The following BMPR2 variants were observed in gnomAD, a reference collection of about 807,000 sequenced individuals.
BMPR2 encodes bone morphogenetic protein receptor type-2.
In BMPR2, 29 loss-of-function variants were observed where a neutral mutation model predicts 100.8. The ratio of observed to expected loss-of-function variants is 0.29; its 90% CI spans 0.21 to 0.39. The LOEUF (loss-of-function observed/expected upper bound fraction) is 0.39, where lower values mean the gene tolerates loss of function less well. Among genes scored for constraint, BMPR2 ranks in the 10% least tolerant of loss-of-function variants. The pLI, the probability that BMPR2 is intolerant of heterozygous loss-of-function variation, is 1.00. For synonymous variants in BMPR2, 382 were observed against 442.3 expected (o/e 0.86, Z 1.71); for missense variants, 1,011 against 1,274.5 (o/e 0.79, Z 3.15).
chr2:202,479,402 G>A (rs922927437), intron 3 of BMPR2, among the ~76,000 whole-genome samples: 1 of 151,254 alleles, frequency 6.6e-6, no homozygotes, highest in Non-Finnish European at 1.5e-5. Context: ...TCCTGGCAGA[G>A]CACTTATATA....
At chr2:202,466,318 G>A (rs182095134) in intron 2 of BMPR2, among the ~76,000 whole-genome samples, 113 of 151,850 alleles carry the variant, frequency 7.4e-4, no homozygotes, top group African/African-American at 2.5e-3. Context: ...ATGGAGTCTC[G>A]CTCTGTTACC....
chr2:202,407,108 TA>T lies in BMPR2; in HGVS notation c.76+29559del, dbSNP rs1233359822. 9.3e-4 allele frequency among the ~76,000 whole-genome samples: 137 copies of T among 147,550 alleles called. 1 individual carries two copies. Among genetic ancestry groups the T allele is most frequent in the African/African-American group, 3.2e-3 (128 of 40,406 alleles). ...AACTACAGGCATGTGCTAATTTTTG[TA>T]TTTTTTTTTTTTGAGTAGAGACAGG... On this transcript the variant is annotated intron_variant, in intron 1 of 12. Transcript: ENST00000374580.
intron 1 of BMPR2, among the ~76,000 whole-genome samples, chr2:202,393,874 T>TGAGAGAGCGAGAGC (rs1559024287): frequency 7.2e-4 from 55 of 76,724 alleles, no homozygotes; most frequent in African/African-American, 2.7e-3. Context: ...ATTAAGGTAA[T>TGAGAGAGCGAGAGC]GAGAGAGCGA....
At chr2:202,477,052 G>A (rs1323563479) in intron 3 of BMPR2, among the ~76,000 whole-genome samples, 3 of 151,838 alleles carry the variant, frequency 2.0e-5, no homozygotes, top group South Asian at 4.2e-4. Flanking sequence ...GTCATCAGTC[G>A]TAGTGCCTGG....
At chr2:202,450,826 C>A (rs1466584048) in intron 1 of BMPR2, among the ~76,000 whole-genome samples, 1 of 151,668 alleles carries the variant, frequency 6.6e-6, no homozygotes, top group Non-Finnish European at 1.5e-5. Context: ...GATTAAGATA[C>A]TCTGTTTTTC....
intron 4 of BMPR2, 26 bp downstream of exon 4, chr2:202,513,855 T>C (rs1175939426): frequency 2.0e-6 from 3 of 1,514,970 alleles, no homozygotes; most frequent in Admixed American, 1.7e-5. Context: ...TTTTGTCCTA[T>C]TGTTTATTAA....
chr2:202,548,533 A>G (rs989437615), intron 10 of BMPR2, among the ~76,000 whole-genome samples: 3 of 151,866 alleles, frequency 2.0e-5, no homozygotes, highest in South Asian at 4.1e-4. Flanking sequence ...TCTATGTCCT[A>G]GTGTTTTCTA....
chr2:202,566,121 A>C lies in BMPR2; in HGVS notation c.*6175A>C, dbSNP rs1688757241. The C allele has an allele frequency of 6.6e-6, 1 of 152,244 alleles. No individual in the cohort carries two copies. The highest frequency in any genetic ancestry group is 2.4e-5 in the African/African-American group (1 of 41,458). The allele number at this position is 152,244 out of a possible 1,614,324, so 9.4% of individuals were successfully genotyped here. On this transcript the variant is annotated 3_prime_UTR_variant, in exon 13 of 13. Coordinates refer to ENST00000374580, the MANE Select transcript of BMPR2 (RefSeq NM_001204.7). ...GTGTCCAGTTTATGATTGAATTTTT[A>C]AGCAAATTACTGTATTTGAAACTAC... is the stretch of plus-strand genomic sequence containing the variant.
At chr2:202,389,785 T>G (rs913603118) in intron 1 of BMPR2, among the ~76,000 whole-genome samples, 7 of 151,110 alleles carry the variant, frequency 4.6e-5, no homozygotes, top group African/African-American at 1.7e-4. Context: ...GGGATTACAG[T>G]CATGTGCCAC....
intron 11 of BMPR2, among the ~76,000 whole-genome samples, chr2:202,553,958 G>A (rs1688522853): frequency 6.6e-6 from 1 of 152,206 alleles, no homozygotes; most frequent in Non-Finnish European, 1.5e-5. Context: ...AAAATGCTGG[G>A]ATTATAGGCG....
chr2:202,535,444 A>C (rs1181990256), intron 9 of BMPR2, among the ~76,000 whole-genome samples: 1 of 148,860 alleles, frequency 6.7e-6, no homozygotes, highest in African/African-American at 2.5e-5. Context: ...CACATCCCAG[A>C]CGGGGCGGCG....
intron 2 of BMPR2, among the ~76,000 whole-genome samples, chr2:202,465,498 C>G (rs1222176880): frequency 6.6e-6 from 1 of 152,114 alleles, no homozygotes. Context: ...CATGCCCGTT[C>G]TATGAATTTT....
At chr2:202,494,261 A>G (rs778863584) in intron 3 of BMPR2, among the ~76,000 whole-genome samples, 2 of 152,252 alleles carry the variant, frequency 1.3e-5, no homozygotes, top group African/African-American at 2.4e-5. Flanking sequence ...CATTGCTTGA[A>G]AACTACAAAA....
At chr2:202,490,918 G>A (rs903114703) in intron 3 of BMPR2, among the ~76,000 whole-genome samples, 1 of 151,728 alleles carries the variant, frequency 6.6e-6, no homozygotes, top group African/African-American at 2.4e-5. Context: ...TTTTGTTTTT[G>A]TTTTTTGTTT....
rs531689551 is a variant in BMPR2 at position 202,554,375 on chromosome 2, A to G, written c.1587-877A>G. 1.2e-4 allele frequency among the ~76,000 whole-genome samples: 18 copies of G among 152,210 alleles called. No homozygotes were observed. In the East Asian group the frequency reaches 2.7e-3, roughly 23 times the overall value. On this transcript the variant is annotated intron_variant, in intron 11 of 12. Transcript: ENST00000374580. The stretch of plus-strand genomic sequence containing the variant: ...TTCGCCTCCTGTGTCATTCGGCTCA[A>G]CCTTCTGCATGCATCTTCTCATCTC...
intron 1 of BMPR2, among the ~76,000 whole-genome samples, chr2:202,439,890 C>A (rs1691697058): frequency 6.7e-6 from 1 of 149,764 alleles, no homozygotes; most frequent in Admixed American, 6.6e-5. Context: ...GGCAGAGGAC[C>A]CTGCGGCCTT....
Position 202,442,417 on chromosome 2 carries a change from C to T in BMPR2, c.77-22392C>T, listed in dbSNP as rs772102716. On this transcript the variant is annotated intron_variant, in intron 1 of 12. Transcript: ENST00000374580. ...GGTTCATCCATGTTTTAGCGTATAT[C>T]GGTACTTCCTTTCTTTTTTTTTAAA... is the stretch of plus-strand genomic sequence containing the variant. 3.3e-5 allele frequency among the ~76,000 whole-genome samples: 5 copies of T among 150,326 alleles called. No homozygotes were observed. In the East Asian group the frequency reaches 7.7e-4, roughly 23 times the overall value.
chr2:202,421,191 C>T (rs1269504995), intron 1 of BMPR2, among the ~76,000 whole-genome samples: 1 of 151,068 alleles, frequency 6.6e-6, no homozygotes, highest in African/African-American at 2.4e-5. Flanking sequence ...GCGGAGGTTG[C>T]AGTGAGCTGA....
chr2:202,541,337 G>C (rs931911114), intron 9 of BMPR2, among the ~76,000 whole-genome samples: 11 of 151,994 alleles, frequency 7.2e-5, no homozygotes, highest in Non-Finnish European at 1.5e-5. Flanking sequence ...TTAGCTATTA[G>C]GGAGGCCACT....
Sources: gnomAD v4.1 joint callset for allele counts (sites outside exome capture counted in the v4.1 genomes callset) on GRCh38, gnomAD v4.1.1 for gene constraint, MANE v1.5 for transcripts, NCBI Gene and HGNC (gene_info 2026-07-23, HGNC 2026-07-21) for gene names.